Variants in NIPSNAP2 observed in about 807,000 individuals in gnomAD.
NIPSNAP2 encodes nipsnap homolog 2.
In NIPSNAP2, 42 loss-of-function variants were observed where a neutral mutation model predicts 48.4. That is an observed-to-expected ratio of 0.87 (90% CI 0.68 to 1.12). The LOEUF is 1.12. NIPSNAP2 is among the 50% of genes most tolerant of loss of function. NIPSNAP2 has a pLI of 0.00. For missense variants in NIPSNAP2, 314 were observed against 347.3 expected, an observed-to-expected ratio of 0.90 and a Z score of 0.76; for synonymous variants, 158 against 126.6, an observed-to-expected ratio of 1.25 and a Z score of -1.67.
chr7:55,990,321 C>G (rs1432316435), intron 7 of NIPSNAP2, among the ~76,000 whole-genome samples: 1 of 151,486 alleles, frequency 6.6e-6, no homozygotes, highest in African/African-American at 2.4e-5. Context: ...CTCCGCCTCC[C>G]AGGTTCACGC....
At position 55,978,252 on chromosome 7, in the gene NIPSNAP2, A is replaced by G. The variant is rs541204590; in HGVS notation, c.219A>G (p.Leu73=). Residue 73 remains leucine (L), a synonymous_variant, in exon 2 of 10, where the codon CTA becomes CTG. Transcript: ENST00000322090. The part of the protein sequence containing the change: ...NLLAKKETSN[L]YKLQFHNVKP... ...TAGCCAAAAAGGAAACAAGCAATCTATACAAATTACAGTGTGAGTGACAGG... is the reference window on the plus strand; with the variant it reads ...TAGCCAAAAAGGAAACAAGCAATCTGTACAAATTACAGTGTGAGTGACAGG... 15 of 1,614,188 alleles carry G rather than the reference A, an allele frequency of 9.3e-6. 1 individual carries two copies. The Admixed American group carries it at 2.2e-4, about 23-fold the overall frequency.
At chr7:55,973,068 T>C (rs1010420887) in intron 1 of NIPSNAP2, among the ~76,000 whole-genome samples, 1 of 151,828 alleles carries the variant, frequency 6.6e-6, no homozygotes, top group Non-Finnish European at 1.5e-5. Context: ...ATCACGCCAC[T>C]GCACTCCAGC....
chr7:55,982,768 T>A (rs967778606), intron 5 of NIPSNAP2, among the ~76,000 whole-genome samples: 3 of 149,728 alleles, frequency 2.0e-5, no homozygotes, highest in African/African-American at 4.9e-5. Context: ...AAAAAAAAAA[T>A]TCTTATTGTT....
Position 55,983,917 on chromosome 7 carries a change from A to G in NIPSNAP2, c.585+49A>G, listed in dbSNP as rs765263887. 24 of 1,573,334 alleles carry G rather than the reference A, an allele frequency of 1.5e-5. No individual in the cohort carries two copies. The East Asian group carries it at 2.9e-4, about 19-fold the overall frequency. ...TCCTTTTACTCCTCTGTGAAAAAGC[A>G]CAAGCATTTTGTAAGGCTGACAACA... On this transcript the variant is annotated intron_variant, in intron 6 of 9. Transcript: ENST00000322090.
At chr7:55,984,651 G>A (rs551734864) in intron 6 of NIPSNAP2, among the ~76,000 whole-genome samples, 196 bp from the exon 7 acceptor site, 4 of 151,518 alleles carry the variant, frequency 2.6e-5, no homozygotes, top group African/African-American at 4.8e-5. Context: ...CCCAGGAGGC[G>A]GAGGTTTCAG....
chr7:55,978,143 G>A lies in NIPSNAP2; in HGVS notation c.110G>A (p.Ser37Asn). 2 of 1,614,126 alleles carry A rather than the reference G, an allele frequency of 1.2e-6. No individual in the cohort carries two copies. Among genetic ancestry groups the A allele is most frequent in the South Asian group, 1.1e-5 (1 of 91,080 alleles). ...TTCCATAGGACATGGACATCTTCCA[G>A]CAACAGATCTCGAGAAGACAGCTGG... The part of the protein sequence containing the change: ...LPRLRTWTSS[S>N]NRSREDSWLK... Residue 37 changes from serine to asparagine, a missense_variant, in exon 2 of 10, where the codon AGC becomes AAC. Physicochemically the swap from Ser to Asn is conservative, Grantham distance 46. Around this residue, in one of 2 missense-constraint regions of NIPSNAP2, gnomAD observed 198 missense variants for 185.5 expected, o/e 1.07. Coordinates refer to ENST00000322090, the MANE Select transcript of NIPSNAP2 (RefSeq NM_001483.3).
chr7:55,992,403 T>TC (rs1022914387), intron 7 of NIPSNAP2, among the ~76,000 whole-genome samples: 3 of 152,188 alleles, frequency 2.0e-5, no homozygotes, highest in African/African-American at 7.2e-5. Context: ...GGCAGGAGGC[T>TC]CCCTCGAGCC....
chr7:55,993,456 G>T (rs1175670047), intron 7 of NIPSNAP2, among the ~76,000 whole-genome samples: 2 of 151,732 alleles, frequency 1.3e-5, no homozygotes, highest in Middle Eastern at 3.2e-3. Context: ...GTGGGCGCCT[G>T]TAATCCCAGC....
chr7:55,982,316 A>T, intron 5 of NIPSNAP2, 36 bp downstream of exon 5: 1 of 1,187,268 alleles, frequency 8.4e-7, no homozygotes, highest in Non-Finnish European at 1.2e-6. Context: ...TAGACTAATG[A>T]TATATAGATG....
At chr7:55,990,811 G>A (rs560820750) in intron 7 of NIPSNAP2, among the ~76,000 whole-genome samples, 4 of 144,362 alleles carry the variant, frequency 2.8e-5, no homozygotes, top group Admixed American at 7.0e-5. Flanking sequence ...TTTTTGAGAC[G>A]GAGTCTTGCT....
rs374907292 is a variant in NIPSNAP2, at chr7:55,994,963, G to T, written c.687G>T (p.Gln229His). Reference protein sequence around the residue: ...AVGGFFSQIGQLYMVHHLWAY... With the variant: ...AVGGFFSQIGHLYMVHHLWAY... ...GAGGATTCTTCTCTCAGATTGGGCA[G>T]CTGTACATGGTGCACCATCTTTGGG... The change falls in exon 8 of 10, where the codon CAG (glutamine) becomes CAT (histidine). Residue 229 changes from glutamine (Q) to histidine (H), a missense_variant. Physicochemically the swap from Gln to His is conservative, Grantham distance 24. Around this residue, in one of 2 missense-constraint regions of NIPSNAP2, gnomAD observed 116 missense variants for 161.8 expected, o/e 0.72. Coordinates refer to ENST00000322090, the MANE Select transcript of NIPSNAP2 (RefSeq NM_001483.3). 5.0e-6 allele frequency: 8 copies of T among 1,614,088 alleles called. No homozygotes were observed. The highest frequency in any genetic ancestry group is 6.8e-6 in the Non-Finnish European group (8 of 1,179,936).
At position 55,999,068 on chromosome 7, in the gene NIPSNAP2, A is replaced by C; in HGVS notation, c.857A>C (p.Gln286Pro). 6.2e-7 allele frequency: 1 copy of C among 1,612,868 alleles called. No individual in the cohort carries two copies. The highest frequency in any genetic ancestry group is 2.2e-5 in the East Asian group (1 of 44,878). Residue 286 changes from glutamine to proline, a missense_variant, in exon 10 of 10, where the codon CAG becomes CCG. By Grantham distance (76) the Gln-to-Pro change is moderately conservative (BLOSUM62 -1). This residue lies in a region of NIPSNAP2 where 116 missense variants were observed against 161.8 expected (regional missense o/e 0.72). Coordinates refer to ENST00000322090, the MANE Select transcript of NIPSNAP2 (RefSeq NM_001483.3). Reference protein sequence around the residue: ...IMIPLKTSPLQ With the variant: ...IMIPLKTSPLP Reference sequence around the variant, plus strand: ...ATCCCACTGAAGACCTCGCCCCTCCAGTAAAGCTGTAGAGTTTCTATGTGC... The same window carrying C: ...ATCCCACTGAAGACCTCGCCCCTCCCGTAAAGCTGTAGAGTTTCTATGTGC...
At chr7:55,984,120 A>T (rs1321727193) in intron 6 of NIPSNAP2, among the ~76,000 whole-genome samples, 1 of 145,158 alleles carries the variant, frequency 6.9e-6, no homozygotes, top group Non-Finnish European at 1.6e-5. Context: ...AAGAAGAAAG[A>T]CCTAAAGTGC....
chr7:55,982,298 T>C lies in NIPSNAP2; in HGVS notation c.444+18T>C. On this transcript the variant is annotated intron_variant, in intron 5 of 9. Coordinates refer to ENST00000322090, the MANE Select transcript of NIPSNAP2 (RefSeq NM_001483.3). ...AAAATAAGGTAATGATATTGAAAAA[T>C]GTTTACTTAGACTAATGATATATAG... 1 of 1,442,688 alleles carries C rather than the reference T, an allele frequency of 6.9e-7. No homozygotes were observed. Among genetic ancestry groups the C allele is most frequent in the African/African-American group, 1.4e-5 (1 of 71,532 alleles). The allele number at this position is 1,442,688 out of a possible 1,614,324, so 89.4% of individuals were successfully genotyped here. A position where few individuals can be genotyped will look rare whatever the true frequency, so the allele number is the denominator to read the frequency against.
chr7:55,987,229 C>G (rs1376211247), intron 7 of NIPSNAP2, among the ~76,000 whole-genome samples: 2 of 152,106 alleles, frequency 1.3e-5, no homozygotes, highest in Non-Finnish European at 2.9e-5. Context: ...CAACAGAATT[C>G]AAAGCAGATC....
At chr7:55,984,971 G>C in intron 7 of NIPSNAP2, 93 bp downstream of exon 7, 2 of 952,648 alleles carry the variant, frequency 2.1e-6, no homozygotes, top group South Asian at 1.4e-5. Context: ...TCTGAGGATA[G>C]TACTGTGACT....
intron 5 of NIPSNAP2, among the ~76,000 whole-genome samples, chr7:55,983,195 G>C (rs1231046185): frequency 1.3e-5 from 2 of 152,134 alleles, no homozygotes; most frequent in Non-Finnish European, 2.9e-5. Context: ...GGCACAATTA[G>C]CTCTGGATGA....
rs1787216437 is a variant in NIPSNAP2 at position 55,981,515 on chromosome 7, T to G, written c.321T>G (p.Pro107=). 6 of 1,613,800 alleles carry G rather than the reference T, an allele frequency of 3.7e-6. No homozygotes were observed. Among genetic ancestry groups the G allele is most frequent in the Non-Finnish European group, 4.2e-6 (5 of 1,179,914 alleles). Residue 107 remains proline (P), a synonymous_variant, in exon 4 of 10, where the codon CCT becomes CCG. Transcript: ENST00000322090. ...AGATTCACGAAGATAAACACTACCC[T>G]TGTACTTTGGTGGGGACTTGGAACA... ...LPKIHEDKHY[P]CTLVGTWNTW...
Position 55,999,182 on chromosome 7 carries a change from G to A in NIPSNAP2, c.*110G>A. The A allele has an allele frequency of 1.2e-6, 1 of 852,096 alleles. No individual in the cohort carries two copies. The highest frequency in any genetic ancestry group is 1.5e-5 in the South Asian group (1 of 66,570). 52.8% of individuals were successfully genotyped at this position (852,096 alleles called of 1,614,324 possible). On this transcript the variant is annotated 3_prime_UTR_variant, in exon 10 of 10. Coordinates refer to ENST00000322090, the MANE Select transcript of NIPSNAP2 (RefSeq NM_001483.3). ...AGAAACACTGAGGTTTTAAGCTGCTGTATATAGCTTGTGAGAAACCTCTTT... is the reference window on the plus strand; with the variant it reads ...AGAAACACTGAGGTTTTAAGCTGCTATATATAGCTTGTGAGAAACCTCTTT...
Sources: allele counts gnomAD v4.1 joint callset (sites outside exome capture counted in the v4.1 genomes callset), GRCh38; gene constraint gnomAD v4.1.1; regional missense constraint gnomAD v4.1.1; transcripts MANE v1.5; gene names NCBI Gene and HGNC (gene_info 2026-07-23, HGNC 2026-07-21).